The following TMEM87B variants were observed in gnomAD, a reference collection of about 807,000 sequenced individuals.
TMEM87B encodes the protein transmembrane protein 87B.
TMEM87B carries 83 observed loss-of-function variants against 80.3 expected under a neutral mutation model. The observed-to-expected ratio is 1.03, with a 90% confidence interval of 0.87 to 1.24. TMEM87B has a LOEUF of 1.24. TMEM87B is among the 50% of genes most tolerant of loss of function. TMEM87B has a pLI of 0.00. For synonymous variants in TMEM87B, 219 were observed against 230.5 expected, an observed-to-expected ratio of 0.95 and a Z score of 0.45; for missense variants, 625 against 674.4, an observed-to-expected ratio of 0.93 and a Z score of 0.81.
intron 9 of TMEM87B, among the ~76,000 whole-genome samples, chr2:112,088,807 A>T (rs1679221464): frequency 6.6e-6 from 1 of 152,140 alleles, no homozygotes; most frequent in Non-Finnish European, 1.5e-5. Flanking sequence ...CGCTCAGGCT[A>T]GAGTGCAGTG....
chr2:112,069,123 C>T (rs1258170997), intron 4 of TMEM87B, among the ~76,000 whole-genome samples: 8 of 139,538 alleles, frequency 5.7e-5, no homozygotes, highest in East Asian at 4.4e-4. Flanking sequence ...ACCCGGGAAG[C>T]GGAGCTTGCA....
chr2:112,088,452 T>C (rs1679209727), intron 9 of TMEM87B, among the ~76,000 whole-genome samples: 1 of 152,234 alleles, frequency 6.6e-6, no homozygotes, highest in Non-Finnish European at 1.5e-5. Flanking sequence ...TTGATTATAA[T>C]GAATCAGAAT....
At position 112,055,486 on chromosome 2, in the gene TMEM87B, T is replaced by G; in HGVS notation, c.-106T>G. 7.7e-7 allele frequency: 1 copy of G among 1,305,166 alleles called. No individual in the cohort carries two copies. Among genetic ancestry groups the G allele is most frequent in the Non-Finnish European group, 1.0e-6 (1 of 1,003,386 alleles). The allele number at this position is 1,305,166 out of a possible 1,614,324, so 80.8% of individuals were successfully genotyped here. ...CGCGAGCCCCTCCTCCACACCCGAG[T>G]CCGAGCCCCGCGTCCCGGATTCGGA... On this transcript the variant is annotated 5_prime_UTR_variant, in exon 1 of 19. Transcript: ENST00000283206.
At chr2:112,070,697 T>G (rs957394507) in intron 4 of TMEM87B, among the ~76,000 whole-genome samples, 1 of 152,200 alleles carries the variant, frequency 6.6e-6, no homozygotes, top group Non-Finnish European at 1.5e-5. Context: ...AATAGTTTTT[T>G]CTAGTTTTGT....
At position 112,077,268 on chromosome 2, in the gene TMEM87B, G is replaced by T. The variant is rs781042961; in HGVS notation, c.578G>T (p.Ser193Ile). 6.3e-7 allele frequency: 1 copy of T among 1,578,940 alleles called. No homozygotes were observed. The highest frequency in any genetic ancestry group is 8.6e-7 in the Non-Finnish European group (1 of 1,159,634). ...VSIKTENTDA[S>I]WNLNVSLSMI... ...ATTAAAACGGAGAATACAGATGCAA[G>T]CTGGAATTTGAATGGTATAGTTAAA... Residue 193 changes from serine (S) to isoleucine (I), a missense_variant, in exon 6 of 19, where the codon AGC (serine) becomes ATC (isoleucine). Coordinates refer to ENST00000283206, the MANE Select transcript of TMEM87B (RefSeq NM_032824.3).
intron 1 of TMEM87B, among the ~76,000 whole-genome samples, chr2:112,058,106 C>T (rs1573674426): frequency 6.6e-6 from 1 of 152,306 alleles, no homozygotes; most frequent in East Asian, 1.9e-4. Context: ...GGATTACGGG[C>T]GTGAGCCACC....
At chr2:112,096,913 G>T in intron 11 of TMEM87B, 131 bp from the exon 12 acceptor site, 1 of 642,394 alleles carries the variant, frequency 1.6e-6, no homozygotes, top group South Asian at 1.9e-5. Context: ...AACATTTTCT[G>T]TGTTTTCATT....
In TMEM87B at chr2:112,117,932, G is replaced by T. The variant is rs1680067660; in HGVS notation, c.*1789G>T. ...GCAAATCTGGTAGAGTGGGAGTGTGGAGTTAATGGTGAGTATGTTAATAAA... is the reference window on the plus strand; with the variant it reads ...GCAAATCTGGTAGAGTGGGAGTGTGTAGTTAATGGTGAGTATGTTAATAAA... On this transcript the variant is annotated 3_prime_UTR_variant, in exon 19 of 19. Transcript: ENST00000283206. 6.6e-6 allele frequency: 1 copy of T among 152,146 alleles called. No individual in the cohort carries two copies. Among genetic ancestry groups the T allele is most frequent in the Non-Finnish European group, 1.5e-5 (1 of 68,034 alleles). The allele number at this position is 152,146 out of a possible 1,614,324, so 9.4% of individuals were successfully genotyped here.
At chr2:112,112,496 C>CT (rs1359846137) in intron 17 of TMEM87B, among the ~76,000 whole-genome samples, 3 of 152,324 alleles carry the variant, frequency 2.0e-5, no homozygotes, top group Non-Finnish European at 4.4e-5. Flanking sequence ...CAGAATAACA[C>CT]TAAGTGCTCT....
At chr2:112,079,209 A>C (rs1053500047) in intron 6 of TMEM87B, among the ~76,000 whole-genome samples, 2 of 152,350 alleles carry the variant, frequency 1.3e-5, no homozygotes, top group Admixed American at 1.3e-4. Flanking sequence ...AACTCAAAAA[A>C]AGAAAAAACT....
chr2:112,069,478 T>C (rs895184311), intron 4 of TMEM87B, among the ~76,000 whole-genome samples: 1 of 152,174 alleles, frequency 6.6e-6, no homozygotes, highest in African/African-American at 2.4e-5. Context: ...GCTCCATCCA[T>C]GTCCCTGCAA....
At position 112,055,524 on chromosome 2, in the gene TMEM87B, G is replaced by A; in HGVS notation, c.-68G>A. 1.4e-6 allele frequency: 2 copies of A among 1,404,550 alleles called. No individual in the cohort carries two copies. Among genetic ancestry groups the A allele is most frequent in the South Asian group, 1.5e-5 (1 of 66,210 alleles). The allele number at this position is 1,404,550 out of a possible 1,614,324, so 87.0% of individuals were successfully genotyped here. A position where few individuals can be genotyped will look rare whatever the true frequency, so the allele number is the denominator to read the frequency against. On this transcript the variant is annotated 5_prime_UTR_variant, in exon 1 of 19. Coordinates refer to ENST00000283206, the MANE Select transcript of TMEM87B (RefSeq NM_032824.3). ...TCCCGGATTCGGACCCGCCTGCCTGGGGCGGTGCTGCACCAGGTGCGGGTG... is the reference window on the plus strand; with the variant it reads ...TCCCGGATTCGGACCCGCCTGCCTGAGGCGGTGCTGCACCAGGTGCGGGTG...
chr2:112,104,725 C>A (rs1351179812), intron 15 of TMEM87B, among the ~76,000 whole-genome samples: 1 of 152,030 alleles, frequency 6.6e-6, no homozygotes, highest in Admixed American at 6.6e-5. Context: ...TAAGGTTTAC[C>A]CAGAAAAATG....
chr2:112,076,880 GTGTGTGTGTC>G (rs1678836920), intron 5 of TMEM87B, among the ~76,000 whole-genome samples: 1 of 139,018 alleles, frequency 7.2e-6, no homozygotes, highest in African/African-American at 2.7e-5. Flanking sequence ...GTGTGTGTGT[GTGTGTGTGTC>G]TGTGTGTGTG....
At chr2:112,100,531 G>T in intron 14 of TMEM87B, 91 bp from the exon 15 acceptor site, 1 of 742,196 alleles carries the variant, frequency 1.3e-6, no homozygotes, top group Non-Finnish European at 2.2e-6. Flanking sequence ...TTTTTTAAAT[G>T]TAGATTTTTT....
intron 15 of TMEM87B, among the ~76,000 whole-genome samples, chr2:112,102,055 A>G (rs1022939966): frequency 6.6e-6 from 1 of 152,206 alleles, no homozygotes; most frequent in African/African-American, 2.4e-5. Context: ...CAAATGATTC[A>G]CTAGTGAGTC....
rs375042771 is a variant in TMEM87B, at chr2:112,096,986, GTTTT to G, written c.1105-49_1105-46del. The stretch of plus-strand genomic sequence containing the variant: ...CTTTGGGAACATAGTAGAAGATTCT[GTTTT>G]TTTTTTTTAACCTCTTATTATTACT... On this transcript the variant is annotated intron_variant, in intron 11 of 18. Transcript: ENST00000283206. The G allele has an allele frequency of 5.5e-5, 51 of 919,768 alleles. No individual in the cohort carries two copies. The African/African-American group carries it at 7.3e-4, about 13-fold the overall frequency. 57.0% of individuals were successfully genotyped at this position (919,768 alleles called of 1,614,324 possible). A position where few individuals can be genotyped will look rare whatever the true frequency, so the allele number is the denominator to read the frequency against.
At chr2:112,113,273 A>T (rs1679970517) in intron 18 of TMEM87B, among the ~76,000 whole-genome samples, 1 of 152,186 alleles carries the variant, frequency 6.6e-6, no homozygotes, top group African/African-American at 2.4e-5. Context: ...TCATTTACTA[A>T]GCAGGAAATT....
At chr2:112,115,962 A>G (rs1476993009) in intron 18 of TMEM87B, 122 bp from the exon 19 acceptor site, 3 of 681,092 alleles carry the variant, frequency 4.4e-6, no homozygotes, top group South Asian at 1.9e-5. Flanking sequence ...TAATATTTCC[A>G]TGTATATTAT....
Sources: gnomAD v4.1 joint callset for allele counts (sites outside exome capture counted in the v4.1 genomes callset) on GRCh38, gnomAD v4.1.1 for gene constraint, MANE v1.5 for transcripts, NCBI Gene and HGNC (gene_info 2026-07-23, HGNC 2026-07-21) for gene names.